GLYATL2: variants seen among roughly 807,000 people sequenced by gnomAD.
The protein encoded by GLYATL2 is glycine-N-acyltransferase like 2, also known as glycine N-acyltransferase-like protein 2.
In GLYATL2, 25 loss-of-function variants were observed where a neutral mutation model predicts 21.4. That is an observed-to-expected ratio of 1.17 (90% confidence interval 0.85 to 1.63). The LOEUF is 1.63. Ranked by LOEUF, GLYATL2 falls within the 40% of genes most tolerant of loss-of-function variation. The pLI, the probability that GLYATL2 is intolerant of heterozygous loss-of-function variation, is 0.00. For synonymous variants in GLYATL2, 114 were observed against 118.2 expected (o/e 0.96, Z 0.23); for missense variants, 361 against 343.3 (o/e 1.05, Z -0.41).
intron 4 of GLYATL2, 41 bp downstream of exon 4, chr11:58,837,230 A>C: frequency 6.2e-7 from 1 of 1,613,104 alleles, no homozygotes; most frequent in Non-Finnish European, 8.5e-7. Flanking sequence ...ATCGGCTAGG[A>C]ATAAACCATG....
intron 1 of GLYATL2, among the ~76,000 whole-genome samples, chr11:58,895,578 C>T (rs563450933): frequency 1.3e-5 from 2 of 152,264 alleles, no homozygotes; most frequent in East Asian, 3.9e-4. Context: ...GGCTCCTGGT[C>T]CCCATCATGA....
chr11:58,877,112 G>A (rs868315007), intron 1 of GLYATL2, among the ~76,000 whole-genome samples: 4 of 152,238 alleles, frequency 2.6e-5, no homozygotes, highest in African/African-American at 9.6e-5. Context: ...ATCTCCTGGT[G>A]TGCCGTTTGA....
chr11:58,837,405 A>T lies in GLYATL2; in HGVS notation c.187-8T>A. 5 of 1,607,676 alleles carry T rather than the reference A, an allele frequency of 3.1e-6. No homozygotes were observed. The East Asian group carries it at 1.1e-4, about 36-fold the overall frequency. On this transcript the variant is annotated splice_polypyrimidine_tract_variant and splice_region_variant and intron_variant, in intron 3 of 5. Coordinates refer to ENST00000287275, the MANE Select transcript of GLYATL2 (RefSeq NM_145016.4). ...CTGGTCATCTTTCATCTCCTGATAT[A>T]ACAAATATCAATTATATTTACATAG...
chr11:58,907,961 G>A (rs11229689), upstream of GLYATL2: 30,018 of 153,146 alleles, frequency 0.2, 3,577 homozygotes, highest in African/African-American at 0.32. Flanking sequence ...TTTCTGTCCT[G>A]TATGAGCCTC....
chr11:58,836,949 G>T, intron 5 of GLYATL2, 66 bp downstream of exon 5: 1 of 1,402,014 alleles, frequency 7.1e-7, no homozygotes, highest in Non-Finnish European at 9.9e-7. Flanking sequence ...ACATTTCCAA[G>T]TACAGCCTTT....
intron 1 of GLYATL2, among the ~76,000 whole-genome samples, chr11:58,897,560 CGCACACACACACATAAAT>C (rs1391723433): frequency 1.3e-5 from 2 of 151,978 alleles, no homozygotes; most frequent in African/African-American, 2.4e-5. Flanking sequence ...CACACACGGA[CGCACACACACACATAAAT>C]GCACACACAC....
chr11:58,905,162 C>G (rs76085737), upstream of GLYATL2, among the ~76,000 whole-genome samples: 763 of 152,328 alleles, frequency 5.0e-3, 5 homozygotes, highest in Non-Finnish European at 9.0e-3. Flanking sequence ...CCCAGTAATG[C>G]GCGTCCTGGG....
intron 1 of GLYATL2, among the ~76,000 whole-genome samples, chr11:58,876,061 C>T (rs1209106943): frequency 6.6e-6 from 1 of 152,202 alleles, no homozygotes; most frequent in Non-Finnish European, 1.5e-5. Context: ...CACTGATACC[C>T]TTTCTTCCAG....
rs148080068 is a variant in GLYATL2, at chr11:58,851,935, T to C, written n.61-13567A>G. On this transcript the variant is annotated intron_variant and non_coding_transcript_variant, in intron 1 of 4. Coordinates refer to the GLYATL2 transcript ENST00000533636. ...CGAGAAGAGATCCATAGATTTGAGA[T>C]AATTCAAAGGTAGAGTTTGCAGAAT... Among the ~76,000 whole-genome samples, 168 of 152,314 alleles carry C rather than the reference T, an allele frequency of 1.1e-3. 1 individual carries two copies. The highest frequency in any genetic ancestry group is 3.9e-3 in the African/African-American group (162 of 41,568).
chr11:58,880,956 T>C (rs1590744180), intron 1 of GLYATL2, among the ~76,000 whole-genome samples: 2 of 152,308 alleles, frequency 1.3e-5, no homozygotes, highest in East Asian at 3.9e-4. Flanking sequence ...CAAACATCTG[T>C]ATTAACTAAT....
intron 1 of GLYATL2, among the ~76,000 whole-genome samples, chr11:58,869,547 T>A (rs1422577086): frequency 1.3e-5 from 2 of 152,252 alleles, no homozygotes; most frequent in Non-Finnish European, 2.9e-5. Context: ...ACTGTATTAC[T>A]ATCTCGTGGC....
At chr11:58,894,366 C>T (rs1227140376) in intron 1 of GLYATL2, among the ~76,000 whole-genome samples, 2 of 150,698 alleles carry the variant, frequency 1.3e-5, no homozygotes, top group Non-Finnish European at 2.9e-5. Flanking sequence ...AATTCTGAAT[C>T]CCTGATCTTA....
In GLYATL2 at chr11:58,889,776, T is replaced by C. The variant is rs182174640; in HGVS notation, n.60+14380A>G. 2.3e-3 allele frequency among the ~76,000 whole-genome samples: 352 copies of C among 152,268 alleles called. 1 individual carries two copies. The highest frequency in any genetic ancestry group is 4.2e-3 in the Non-Finnish European group (284 of 67,970). On this transcript the variant is annotated intron_variant and non_coding_transcript_variant, in intron 1 of 4. Transcript: ENST00000533636. ...ATATTTTATTCAGAATTTTTGTATCTGTATTCATAAGGGAATATGGGCAAT... is the reference window on the plus strand; with the variant it reads ...ATATTTTATTCAGAATTTTTGTATCCGTATTCATAAGGGAATATGGGCAAT...
At chr11:58,844,189 G>T (rs1430415351) in intron 1 of GLYATL2, among the ~76,000 whole-genome samples, 1 of 152,070 alleles carries the variant, frequency 6.6e-6, no homozygotes, top group African/African-American at 2.4e-5. Flanking sequence ...TATAATTCAA[G>T]GAAAGCATTT....
At chr11:58,896,319 C>T (rs1189068145) in intron 1 of GLYATL2, among the ~76,000 whole-genome samples, 2 of 152,194 alleles carry the variant, frequency 1.3e-5, no homozygotes, top group East Asian at 3.8e-4. Flanking sequence ...GTAAATCAGA[C>T]ACTGCCTCCT....
At chr11:58,888,917 A>G (rs1033851209) in intron 1 of GLYATL2, among the ~76,000 whole-genome samples, 2 of 151,932 alleles carry the variant, frequency 1.3e-5, no homozygotes, top group Admixed American at 6.6e-5. Flanking sequence ...CAACTACCCC[A>G]ACTAACTATT....
At chr11:58,888,536 C>T (rs1590749421) in intron 1 of GLYATL2, among the ~76,000 whole-genome samples, 1 of 151,850 alleles carries the variant, frequency 6.6e-6, no homozygotes, top group Non-Finnish European at 1.5e-5. Context: ...TTATGGCTGG[C>T]TAATTACATT....
chr11:58,877,596 A>C (rs1412013165), intron 1 of GLYATL2, among the ~76,000 whole-genome samples: 1 of 152,246 alleles, frequency 6.6e-6, no homozygotes, highest in Admixed American at 6.5e-5. Context: ...GTTAAAGGAA[A>C]ACCAAGAGAG....
chr11:58,863,557 A>G (rs1208105776), intron 1 of GLYATL2, among the ~76,000 whole-genome samples: 1 of 152,186 alleles, frequency 6.6e-6, no homozygotes, highest in Admixed American at 6.5e-5. Context: ...CCTGGGTCAC[A>G]AAAACCAGCC....
Sources: allele counts gnomAD v4.1 joint callset (sites outside exome capture counted in the v4.1 genomes callset), GRCh38; gene constraint gnomAD v4.1.1; transcripts MANE v1.5; gene names NCBI Gene and HGNC (gene_info 2026-07-23, HGNC 2026-07-21).